CFAP92: variants seen among roughly 807,000 people sequenced by gnomAD.
The protein encoded by CFAP92 is uncharacterized protein CFAP92.
A neutral mutation model predicts 106.3 loss-of-function variants in CFAP92; 86 were observed. The ratio of observed to expected loss-of-function variants is 0.81; its 90% confidence interval spans 0.68 to 0.97. CFAP92 has a LOEUF of 0.97. Among genes scored for constraint, CFAP92 ranks in the 50% least tolerant of loss-of-function variants. CFAP92 has a pLI of 0.00. For synonymous variants in CFAP92, 477 were observed against 506.4 expected (o/e 0.94, Z 0.78); for missense variants, 1,204 against 1,283.8 (o/e 0.94, Z 0.95).
intron 1 of CFAP92, chr3:129,002,021 G>C: frequency 6.5e-7 from 1 of 1,544,924 alleles, no homozygotes; most frequent in Non-Finnish European, 8.7e-7. Context: ...AGGCGCGCCT[G>C]GCGCTGCGCG....
chr3:129,015,830 T>G, the CFAP92 span, among the ~76,000 whole-genome samples: 1 of 151,506 alleles, frequency 6.6e-6, no homozygotes, highest in Non-Finnish European at 1.5e-5. Flanking sequence ...TTTTCACATG[T>G]TGCTCTCTGT....
intron 10 of CFAP92, among the ~76,000 whole-genome samples, chr3:128,943,914 T>TTCCC (rs142141557): frequency 7.3e-6 from 1 of 137,168 alleles, no homozygotes. Context: ...TTGGGTTATT[T>TTCCC]CCCCCGTTTT....
chr3:128,959,877 C>T (rs1352549909), intron 9 of CFAP92, among the ~76,000 whole-genome samples: 1 of 152,192 alleles, frequency 6.6e-6, no homozygotes, highest in East Asian at 1.9e-4. Context: ...ACGTATACAT[C>T]CAGATGGCCT....
intron 13 of CFAP92, chr3:128,915,845 C>T: frequency 2.1e-6 from 1 of 474,552 alleles, no homozygotes; most frequent in East Asian, 3.3e-5. Flanking sequence ...AAAGTGTTCC[C>T]CAGAGGTAAG....
upstream of CFAP92, chr3:129,003,669 C>A: frequency 1.0e-6 from 1 of 975,656 alleles, no homozygotes; most frequent in Non-Finnish European, 1.3e-6. Context: ...CGGAAGCAGA[C>A]GGCGCAAGAA....
Position 128,916,671 on chromosome 3 carries a change from A to G in CFAP92, c.2752-400T>C, listed in dbSNP as rs541523239. ...GACCATGGTTAACTGTCAAGTGTGC[A>G]TAAGGATTATGACCCTCATTCTGTC... On this transcript the variant is annotated intron_variant, in intron 12 of 15. Coordinates refer to ENST00000645291, the MANE Select transcript of CFAP92 (RefSeq NM_001394090.1). Among the ~76,000 whole-genome samples the G allele has an allele frequency of 5.9e-5, 9 of 152,362 alleles. No individual in the cohort carries two copies. In the East Asian group the frequency reaches 1.5e-3, roughly 26 times the overall value.
At chr3:128,938,187 G>A (rs1939246226) in intron 10 of CFAP92, among the ~76,000 whole-genome samples, 2 of 151,918 alleles carry the variant, frequency 1.3e-5, no homozygotes, top group African/African-American at 4.8e-5. Flanking sequence ...AATTGTGATC[G>A]CACCACTGCA....
At chr3:128,911,644 G>A (rs898680682) in intron 15 of CFAP92, among the ~76,000 whole-genome samples, 10 of 151,956 alleles carry the variant, frequency 6.6e-5, no homozygotes, top group Non-Finnish European at 1.3e-4. Flanking sequence ...GTTTCACCAT[G>A]TTGGCCAAGC....
chr3:129,014,815 A>G, the CFAP92 span, among the ~76,000 whole-genome samples: 1 of 152,112 alleles, frequency 6.6e-6, no homozygotes, highest in African/African-American at 2.4e-5. This position sits in a 1 kb window ranked among gnomAD's most constrained non-coding sequence, Gnocchi z 4.3. Flanking sequence ...CACGGGGACG[A>G]GCAGGTTGGA....
chr3:128,941,683 G>T (rs1256960715), intron 10 of CFAP92, among the ~76,000 whole-genome samples: 1 of 152,108 alleles, frequency 6.6e-6, no homozygotes, highest in Non-Finnish European at 1.5e-5. Context: ...CACCATGTTG[G>T]CCAGGCTGGT....
upstream of CFAP92, among the ~76,000 whole-genome samples, chr3:128,994,792 TG>T (rs1458579627): frequency 6.6e-6 from 1 of 152,104 alleles, no homozygotes; most frequent in Non-Finnish European, 1.5e-5. Flanking sequence ...AGCAAGCGGC[TG>T]GGACAGAGGG....
At chr3:128,956,196 T>TAAAAAAAAATAAAAAAAAAA (rs1941373957) in intron 9 of CFAP92, among the ~76,000 whole-genome samples, 1 of 61,716 alleles carries the variant, frequency 1.6e-5, no homozygotes, top group Non-Finnish European at 3.0e-5. Flanking sequence ...AAAAAAAAAA[T>TAAAAAAAAATAAAAAAAAAA]AAAAAAAAAA....
chr3:128,975,988 T>C, intron 6 of CFAP92, 85 bp from the exon 7 acceptor site: 1 of 1,387,140 alleles, frequency 7.2e-7, no homozygotes, highest in South Asian at 1.4e-5. Context: ...ATGGACTAAA[T>C]GAGAGCAGAT....
intron 7 of CFAP92, among the ~76,000 whole-genome samples, chr3:128,974,548 C>T (rs1943018671): frequency 6.6e-6 from 1 of 152,192 alleles, no homozygotes; most frequent in Non-Finnish European, 1.5e-5. Flanking sequence ...AGGCCAGGCA[C>T]AGTGGCTCAC....
chr3:128,912,385 T>G (rs1004887354), intron 15 of CFAP92: 2 of 800,516 alleles, frequency 2.5e-6, no homozygotes, highest in African/African-American at 3.4e-5. Context: ...GAGGAGGGGT[T>G]CACCCTTAGG....
intron 12 of CFAP92, among the ~76,000 whole-genome samples, chr3:128,924,003 T>C (rs907776649): frequency 2.6e-5 from 4 of 152,218 alleles, no homozygotes; most frequent in East Asian, 1.9e-4. Flanking sequence ...CTAATAATTA[T>C]GTGTTTGTGC....
chr3:128,931,547 C>T (rs1298149668), intron 12 of CFAP92, among the ~76,000 whole-genome samples: 4 of 144,714 alleles, frequency 2.8e-5, no homozygotes, highest in South Asian at 2.1e-4. Context: ...ATATATATTA[C>T]ACAAGAGAAA....
chr3:128,966,399 G>T (rs1942363149), intron 8 of CFAP92, among the ~76,000 whole-genome samples: 2 of 152,100 alleles, frequency 1.3e-5, no homozygotes, highest in Admixed American at 6.6e-5. Context: ...GATTTGATGA[G>T]GAAAGCACAG....
At chr3:129,014,210 C>T in the CFAP92 span, among the ~76,000 whole-genome samples, 5 of 152,218 alleles carry the variant, frequency 3.3e-5, no homozygotes, top group South Asian at 2.1e-4. The surrounding 1 kb of genome is among the most constrained non-coding windows in gnomAD (Gnocchi z 4.3). Flanking sequence ...ACCCTGCCCT[C>T]GTGGACCAAC....
Sources: gnomAD v4.1 joint callset for allele counts (sites outside exome capture counted in the v4.1 genomes callset) on GRCh38, gnomAD v4.1.1 for gene constraint, Gnocchi (gnomAD v3.1) non-coding constraint, MANE v1.5 for transcripts, NCBI Gene and HGNC (gene_info 2026-07-23, HGNC 2026-07-21) for gene names.